The following CHN2 variants were observed in gnomAD, a reference collection of about 807,000 sequenced individuals.
CHN2 encodes the protein beta-chimaerin.
Under a neutral mutation model 56.3 loss-of-function variants are expected in CHN2, and 35 were observed. The observed-to-expected ratio is 0.62, with a 90% CI of 0.47 to 0.82. CHN2 has a LOEUF of 0.82. Among genes scored for constraint, CHN2 ranks in the 40% least tolerant of loss-of-function variants. CHN2 has a pLI of 0.00. For missense variants in CHN2, 491 were observed against 580.5 expected (o/e 0.85, Z 1.58); for synonymous variants, 210 against 212.8 (o/e 0.99, Z 0.12).
intron 6 of CHN2, among the ~76,000 whole-genome samples, chr7:29,424,460 G>A (rs1171644180): frequency 6.6e-6 from 1 of 152,108 alleles, no homozygotes; most frequent in Admixed American, 6.5e-5. Flanking sequence ...TCGGAGTTAG[G>A]TGAGATCCCA....
chr7:29,175,076 G>C (rs905131350), intron 2 of CHN2, among the ~76,000 whole-genome samples: 1 of 152,076 alleles, frequency 6.6e-6, no homozygotes, highest in African/African-American at 2.4e-5. Context: ...TGTTGTGGCA[G>C]GGACCCAGTG....
At chr7:29,373,620 T>G (rs1799793609) in intron 3 of CHN2, among the ~76,000 whole-genome samples, 1 of 152,250 alleles carries the variant, frequency 6.6e-6, no homozygotes, top group African/African-American at 2.4e-5. Flanking sequence ...AAATATCTAC[T>G]GATTTTACTC....
At chr7:29,456,573 C>G (rs1391849377) in intron 6 of CHN2, among the ~76,000 whole-genome samples, 2 of 151,798 alleles carry the variant, frequency 1.3e-5, no homozygotes, top group Middle Eastern at 3.2e-3. Context: ...AAGGCATACT[C>G]GTTCAAAATG....
rs531292333 is a variant in CHN2 at position 29,316,136 on chromosome 7, A to G, written c.50-38489A>G. Among the ~76,000 whole-genome samples the G allele has an allele frequency of 3.3e-5, 5 of 152,294 alleles. No homozygotes were observed. In the South Asian group the frequency reaches 8.3e-4, roughly 25 times the overall value. On this transcript the variant is annotated intron_variant, in intron 1 of 12. Transcript: ENST00000222792. ...TGAACTCCACACCTCTTACAGCTCTAAAGTTGTGTGAGCATTCATGTTTCT... is the reference window on the plus strand; with the variant it reads ...TGAACTCCACACCTCTTACAGCTCTGAAGTTGTGTGAGCATTCATGTTTCT...
chr7:29,237,831 G>A (rs1787317000), intron 1 of CHN2, among the ~76,000 whole-genome samples: 1 of 152,036 alleles, frequency 6.6e-6, no homozygotes, highest in Non-Finnish European at 1.5e-5. Flanking sequence ...GACAGCTCTC[G>A]CACATGAAAA....
At chr7:29,211,134 G>C (rs1182704791) in intron 1 of CHN2, among the ~76,000 whole-genome samples, 1 of 151,762 alleles carries the variant, frequency 6.6e-6, no homozygotes, top group East Asian at 1.9e-4. Flanking sequence ...GCAGTGGCGC[G>C]ATCTCGGCTC....
At chr7:29,403,177 G>C (rs1451284272) in intron 6 of CHN2, among the ~76,000 whole-genome samples, 5 of 152,094 alleles carry the variant, frequency 3.3e-5, no homozygotes, top group Admixed American at 3.3e-4. Flanking sequence ...GTTTCTCTCT[G>C]ACCTATATTG....
intron 2 of CHN2, 56 bp downstream of exon 2, chr7:29,354,719 A>T (rs1175281407): frequency 6.5e-7 from 1 of 1,529,138 alleles, no homozygotes. Flanking sequence ...AGCCTTTCTG[A>T]ACAATTCTTG....
At chr7:29,312,991 A>G (rs1277857347) in intron 1 of CHN2, among the ~76,000 whole-genome samples, 2 of 152,112 alleles carry the variant, frequency 1.3e-5, no homozygotes, top group Non-Finnish European at 2.9e-5. Context: ...AAGCCTCTGC[A>G]TTTATCAGTA....
At chr7:29,332,768 T>C (rs1796321662) in intron 1 of CHN2, 1 of 152,160 alleles carries the variant, frequency 6.6e-6, no homozygotes, top group Admixed American at 6.5e-5. Flanking sequence ...GTAAGTGCTC[T>C]GAGCACGTTT....
At chr7:29,391,492 T>C (rs1170097853) in intron 3 of CHN2, among the ~76,000 whole-genome samples, 4 of 151,208 alleles carry the variant, frequency 2.6e-5, no homozygotes, top group Non-Finnish European at 4.4e-5. Context: ...ATATATCTCA[T>C]GCAATATTTG....
intron 2 of CHN2, among the ~76,000 whole-genome samples, chr7:29,155,086 G>A (rs181195736): frequency 2.8e-4 from 42 of 152,076 alleles, no homozygotes; most frequent in African/African-American, 1.0e-3. Flanking sequence ...AACAGCACAG[G>A]ACCTGCCCCC....
chr7:29,219,618 A>T (rs949958962), intron 1 of CHN2, among the ~76,000 whole-genome samples: 2 of 152,222 alleles, frequency 1.3e-5, no homozygotes, highest in Non-Finnish European at 2.9e-5. Context: ...ACTAAGTTTA[A>T]AATTTAAGAT....
intron 2 of CHN2, among the ~76,000 whole-genome samples, chr7:29,358,449 A>G (rs1798480256): frequency 1.1e-5 from 1 of 95,198 alleles, no homozygotes; most frequent in Non-Finnish European, 2.9e-5. Context: ...TCTAATGATG[A>G]TTTATTTATT....
chr7:29,447,210 G>A (rs1265096544), intron 6 of CHN2, among the ~76,000 whole-genome samples: 5 of 152,084 alleles, frequency 3.3e-5, no homozygotes, highest in African/African-American at 9.7e-5. Context: ...TTAAATGGGC[G>A]TTATAACTGT....
At chr7:29,483,940 T>C (rs1431121562) in intron 7 of CHN2, 7 of 1,209,688 alleles carry the variant, frequency 5.8e-6, no homozygotes, top group Non-Finnish European at 7.8e-6. Context: ...GTTTAAAGAA[T>C]ACATGCGAGT....
intron 6 of CHN2, among the ~76,000 whole-genome samples, chr7:29,412,636 A>C (rs1260624642): frequency 6.6e-6 from 1 of 152,096 alleles, no homozygotes; most frequent in Non-Finnish European, 1.5e-5. Flanking sequence ...GACACTAAAG[A>C]GTCTTAATGA....
chr7:29,433,083 T>C (rs1782966384), intron 6 of CHN2, among the ~76,000 whole-genome samples: 1 of 152,236 alleles, frequency 6.6e-6, no homozygotes, highest in African/African-American at 2.4e-5. Context: ...TTAGGGCTAT[T>C]TCTTTCATTC....
At chr7:29,149,124 G>C (rs1191641324) in intron 2 of CHN2, among the ~76,000 whole-genome samples, 3 of 151,726 alleles carry the variant, frequency 2.0e-5, no homozygotes, top group Non-Finnish European at 4.4e-5. Context: ...GCTTGGAAAG[G>C]GCAAGAATGC....
Sources: gnomAD v4.1 joint callset for allele counts (sites outside exome capture counted in the v4.1 genomes callset) on GRCh38, gnomAD v4.1.1 for gene constraint, MANE v1.5 for transcripts, NCBI Gene and HGNC (gene_info 2026-07-23, HGNC 2026-07-21) for gene names.